The following PCDH9 variants were observed in gnomAD, a reference collection of about 807,000 sequenced individuals.
PCDH9 encodes the protein protocadherin 9, also known as protocadherin-9.
PCDH9 carries 24 observed loss-of-function variants against 70.6 expected under a neutral mutation model. That is an observed-to-expected ratio of 0.34 (90% CI 0.25 to 0.48). The LOEUF is 0.48. Among genes scored for constraint, PCDH9 ranks in the 20% least tolerant of loss-of-function variants. The pLI, the probability that PCDH9 is intolerant of heterozygous loss-of-function variation, is 0.99. For synonymous variants in PCDH9, 562 were observed against 558.5 expected (o/e 1.01, Z -0.09); for missense variants, 1,281 against 1,503.6 (o/e 0.85, Z 2.45).
intron 4 of PCDH9, among the ~76,000 whole-genome samples, chr13:66,431,914 T>C (rs1398646252): frequency 6.6e-6 from 1 of 151,962 alleles, no homozygotes; most frequent in African/African-American, 2.4e-5. Flanking sequence ...CAAGACAATA[T>C]AGTCAATGAT....
chr13:66,467,858 C>T (rs1958545498), intron 4 of PCDH9, among the ~76,000 whole-genome samples: 1 of 152,046 alleles, frequency 6.6e-6, no homozygotes, highest in South Asian at 2.1e-4. Flanking sequence ...TTTCTATTCA[C>T]TTATGAACTC....
At chr13:66,430,500 G>A (rs1197491894) in intron 4 of PCDH9, among the ~76,000 whole-genome samples, 4 of 152,010 alleles carry the variant, frequency 2.6e-5, no homozygotes, top group Non-Finnish European at 4.4e-5. Flanking sequence ...AATCCTTCCA[G>A]TGAAGCAATA....
At chr13:67,028,429 GA>G (rs1262173642) in intron 2 of PCDH9, among the ~76,000 whole-genome samples, 1 of 97,882 alleles carries the variant, frequency 1.0e-5, no homozygotes, top group Non-Finnish European at 1.9e-5. Context: ...GGGGTGGGGG[GA>G]GGGGGGAGGG....
intron 4 of PCDH9, among the ~76,000 whole-genome samples, chr13:66,339,509 T>C (rs1304370743): frequency 1.3e-5 from 2 of 152,146 alleles, no homozygotes; most frequent in African/African-American, 2.4e-5. Flanking sequence ...AGACATACTT[T>C]TACTTGTTTC....
At chr13:67,204,748 C>T (rs1424884064) in intron 2 of PCDH9, 1 of 152,038 alleles carries the variant, frequency 6.6e-6, no homozygotes, top group Non-Finnish European at 1.5e-5. Context: ...AATGTTAGTC[C>T]CTGGATAAAG....
At chr13:67,057,103 T>A (rs1223797177) in intron 2 of PCDH9, among the ~76,000 whole-genome samples, 1 of 152,182 alleles carries the variant, frequency 6.6e-6, no homozygotes, top group Admixed American at 6.5e-5. Flanking sequence ...TTGGCTCATT[T>A]GAAAACCAAC....
At chr13:66,898,576 T>C (rs1220390289) in intron 3 of PCDH9, among the ~76,000 whole-genome samples, 2 of 151,932 alleles carry the variant, frequency 1.3e-5, no homozygotes, top group Non-Finnish European at 1.5e-5. Context: ...TACATAATCA[T>C]GAAGCACAGG....
At chr13:66,734,633 T>C (rs2079121218) in intron 3 of PCDH9, among the ~76,000 whole-genome samples, 2 of 152,194 alleles carry the variant, frequency 1.3e-5, no homozygotes, top group South Asian at 4.1e-4. Flanking sequence ...TATTAATCAA[T>C]GTCTACCTCT....
chr13:66,461,743 T>C (rs1228844605), intron 4 of PCDH9, among the ~76,000 whole-genome samples: 1 of 151,876 alleles, frequency 6.6e-6, no homozygotes, highest in Non-Finnish European at 1.5e-5. Context: ...AACAAATAGC[T>C]ACTTTAGACA....
At chr13:66,578,644 T>C (rs17494672) in intron 4 of PCDH9, among the ~76,000 whole-genome samples, 8,877 of 152,100 alleles carry the variant, frequency 0.058, 327 homozygotes, top group South Asian at 0.11. Context: ...CTAGAAGCTA[T>C]ATTGAAGTCT....
At chr13:66,382,424 GAA>G (rs35686637) in intron 4 of PCDH9, among the ~76,000 whole-genome samples, 8 of 142,578 alleles carry the variant, frequency 5.6e-5, no homozygotes, top group Admixed American at 5.6e-4. Context: ...TAAGTTGAGT[GAA>G]AAAAAAAAAG....
chr13:66,362,944 A>G (rs4884669), intron 4 of PCDH9, among the ~76,000 whole-genome samples: 142,633 of 152,150 alleles, frequency 0.94, 67,539 homozygotes, highest in East Asian at 1. Context: ...ACTTTGAGAG[A>G]CTGAGGTGGG....
chr13:66,751,462 GA>G (rs2079457573), intron 3 of PCDH9, among the ~76,000 whole-genome samples: 1 of 152,098 alleles, frequency 6.6e-6, no homozygotes, highest in African/African-American at 2.4e-5. Context: ...CTCCTACTAT[GA>G]AAATCTCTTT....
At position 66,438,193 on chromosome 13, in the gene PCDH9, C is replaced by T. The variant is rs565826820; in HGVS notation, c.3341-133165G>A. Among the ~76,000 whole-genome samples the T allele has an allele frequency of 3.4e-4, 51 of 150,656 alleles. No homozygotes were observed. In the South Asian group the frequency reaches 0.01, roughly 30 times the overall value. On this transcript the variant is annotated intron_variant, in intron 4 of 4. Coordinates refer to ENST00000377865, the MANE Select transcript of PCDH9 (RefSeq NM_203487.3). Reference sequence around the variant, plus strand: ...AGGTTGCAGTAAGCCAAGATCATGGCACTGCACTCCAGCCTGAGTGACAGA... The same window carrying T: ...AGGTTGCAGTAAGCCAAGATCATGGTACTGCACTCCAGCCTGAGTGACAGA...
At chr13:67,133,928 T>C (rs1245880174) in intron 2 of PCDH9, among the ~76,000 whole-genome samples, 1 of 152,104 alleles carries the variant, frequency 6.6e-6, no homozygotes, top group Admixed American at 6.6e-5. Context: ...TACCTACAGA[T>C]GTTCATAGTC....
chr13:66,363,394 T>C (rs569867868), intron 4 of PCDH9, among the ~76,000 whole-genome samples: 1 of 152,346 alleles, frequency 6.6e-6, no homozygotes, highest in Admixed American at 6.5e-5. Flanking sequence ...CATTAGGATA[T>C]CCAGCTTAAG....
chr13:67,046,503 T>C (rs2085224489), intron 2 of PCDH9, among the ~76,000 whole-genome samples: 1 of 152,170 alleles, frequency 6.6e-6, no homozygotes. Context: ...CAATGATCAA[T>C]GTAAAAATTA....
intron 4 of PCDH9, among the ~76,000 whole-genome samples, chr13:66,551,368 G>A (rs543545211): frequency 6.6e-6 from 1 of 152,252 alleles, no homozygotes; most frequent in East Asian, 1.9e-4. Flanking sequence ...GAAAGGGCAC[G>A]TGCAATCATA....
At chr13:66,335,820 C>G (rs1301045643) in intron 4 of PCDH9, among the ~76,000 whole-genome samples, 2 of 152,080 alleles carry the variant, frequency 1.3e-5, no homozygotes. Context: ...CTTCATAAAC[C>G]AGTAACATAT....
Sources: allele counts gnomAD v4.1 joint callset (sites outside exome capture counted in the v4.1 genomes callset), GRCh38; gene constraint gnomAD v4.1.1; transcripts MANE v1.5; gene names NCBI Gene and HGNC (gene_info 2026-07-23, HGNC 2026-07-21).